MKLN1: variants seen among roughly 807,000 people sequenced by gnomAD.
MKLN1 encodes muskelin.
MKLN1 carries 18 observed loss-of-function variants against 99.0 expected under a neutral mutation model. The ratio of observed to expected loss-of-function variants is 0.18; its 90% CI spans 0.13 to 0.27. The LOEUF (loss-of-function observed/expected upper bound fraction) is 0.27, where lower values mean the gene tolerates loss of function less well. MKLN1 is among the 10% of genes least tolerant of loss of function. The pLI is 1.00. For synonymous variants in MKLN1, 288 were observed against 293.2 expected (o/e 0.98, Z 0.18); for missense variants, 621 against 875.9 (o/e 0.71, Z 3.67).
chr7:131,392,215 GGAA>G (rs1794215328), intron 4 of MKLN1, among the ~76,000 whole-genome samples: 1 of 152,166 alleles, frequency 6.6e-6, no homozygotes, highest in Non-Finnish European at 1.5e-5. Context: ...ACAGGGTCTT[GGAA>G]GGATTCAGGG....
chr7:131,180,437 G>T (rs531920165), intron 2 of MKLN1, among the ~76,000 whole-genome samples: 5 of 152,256 alleles, frequency 3.3e-5, no homozygotes, highest in Admixed American at 6.5e-5. Context: ...AGTGGCTCAC[G>T]CCTGTAATCC....
At chr7:131,166,187 A>G (rs778064579) in intron 2 of MKLN1, among the ~76,000 whole-genome samples, 12 of 152,076 alleles carry the variant, frequency 7.9e-5, no homozygotes, top group African/African-American at 1.4e-4. Context: ...TTCCAGAGGG[A>G]GTATTGACAG....
At chr7:131,376,134 A>ATATGTT (rs1563318300) in intron 2 of MKLN1, among the ~76,000 whole-genome samples, 4 of 2,656 alleles carry the variant, frequency 1.5e-3, no homozygotes, top group Non-Finnish European at 7.7e-3. Context: ...ATATATATAT[A>ATATGTT]TGTATGATGT....
intron 1 of MKLN1, among the ~76,000 whole-genome samples, chr7:131,114,341 A>G (rs1260110839): frequency 6.6e-6 from 1 of 152,152 alleles, no homozygotes; most frequent in Non-Finnish European, 1.5e-5. Context: ...TGTCCATAGA[A>G]TATCAAAGTG....
At chr7:131,215,613 A>G (rs1303439464) in intron 3 of MKLN1, among the ~76,000 whole-genome samples, 2 of 152,202 alleles carry the variant, frequency 1.3e-5, no homozygotes, top group African/African-American at 4.8e-5. Flanking sequence ...TATAAATGTG[A>G]GCCACTGAGC....
chr7:131,410,415 C>T (rs2116321040), intron 6 of MKLN1, among the ~76,000 whole-genome samples: 1 of 152,232 alleles, frequency 6.6e-6, no homozygotes, highest in East Asian at 1.9e-4. Flanking sequence ...TAAATTCTAA[C>T]ATTTGGTAAG....
chr7:131,230,818 T>A (rs1450640078), intron 3 of MKLN1, among the ~76,000 whole-genome samples: 13 of 152,058 alleles, frequency 8.5e-5, no homozygotes, highest in Admixed American at 8.5e-4. Context: ...ACATCATGGC[T>A]TCTGTTTATA....
chr7:131,450,010 C>G (rs1229246810), intron 12 of MKLN1, among the ~76,000 whole-genome samples: 2 of 152,162 alleles, frequency 1.3e-5, no homozygotes, highest in Non-Finnish European at 2.9e-5. Context: ...GATGTTAATA[C>G]TGCTACCCTC....
At chr7:131,111,656 G>GA (rs1038128551) in intron 1 of MKLN1, among the ~76,000 whole-genome samples, 79 of 147,488 alleles carry the variant, frequency 5.4e-4, no homozygotes, top group African/African-American at 1.3e-3. Context: ...GTAAAGCCTA[G>GA]AAAAAAAAAA....
At chr7:131,148,056 G>A (rs142940513) in intron 2 of MKLN1, among the ~76,000 whole-genome samples, 117 of 152,090 alleles carry the variant, frequency 7.7e-4, no homozygotes, top group Non-Finnish European at 1.4e-3. Context: ...TTTTTCTTTC[G>A]TTTTGTTTTT....
chr7:131,316,975 C>A (rs1045651532), intron 3 of MKLN1, among the ~76,000 whole-genome samples: 2 of 152,144 alleles, frequency 1.3e-5, no homozygotes, highest in Admixed American at 1.3e-4. Flanking sequence ...ACTAAACCTA[C>A]GATTGATTGG....
chr7:131,212,788 T>C (rs1019971080), intron 3 of MKLN1, among the ~76,000 whole-genome samples: 2 of 152,068 alleles, frequency 1.3e-5, no homozygotes, highest in Non-Finnish European at 2.9e-5. Context: ...CCGGGCATGA[T>C]GGTGCATGCC....
intron 3 of MKLN1, chr7:131,310,332 A>C (rs1481836409): frequency 1.3e-5 from 2 of 152,114 alleles, no homozygotes; most frequent in Non-Finnish European, 2.9e-5. Flanking sequence ...TCTTTTTCTC[A>C]TTTCTTCCTT....
At chr7:131,387,447 TA>T (rs1036535302) in intron 3 of MKLN1, among the ~76,000 whole-genome samples, 185 bp downstream of exon 3, 2 of 152,228 alleles carry the variant, frequency 1.3e-5, no homozygotes, top group Non-Finnish European at 2.9e-5. Context: ...TTTTATTTTT[TA>T]ACCAACAGAC....
At position 131,380,692 on chromosome 7, in the gene MKLN1, A is replaced by T. The variant is rs774721994; in HGVS notation, c.168+5199A>T. The stretch of plus-strand genomic sequence containing the variant: ...TTTCAAATCACTTAAGAGGATACTC[A>T]TGCTGTATAAATTAGTTTTATTTAG... On this transcript the variant is annotated intron_variant, in intron 2 of 17. Transcript: ENST00000352689. Among the ~76,000 whole-genome samples the T allele has an allele frequency of 5.3e-5, 8 of 152,320 alleles. No individual in the cohort carries two copies. In the South Asian group the frequency reaches 1.2e-3, roughly 24 times the overall value.
chr7:131,297,801 A>C (rs1287015192), intron 3 of MKLN1, among the ~76,000 whole-genome samples: 1 of 152,292 alleles, frequency 6.6e-6, no homozygotes, highest in Admixed American at 6.5e-5. Context: ...AGAAGTGTGA[A>C]TTTTAGAACC....
At chr7:131,238,191 C>G (rs932153210) in intron 3 of MKLN1, among the ~76,000 whole-genome samples, 2 of 152,072 alleles carry the variant, frequency 1.3e-5, no homozygotes, top group Non-Finnish European at 2.9e-5. Context: ...GAAGAAGGCT[C>G]AGACTCATCT....
chr7:131,458,337 T>G (rs763889733), intron 12 of MKLN1, among the ~76,000 whole-genome samples: 1 of 152,148 alleles, frequency 6.6e-6, no homozygotes, highest in African/African-American at 2.4e-5. Context: ...AGAAACCCAT[T>G]TGGGAGCAGG....
rs768543933 is a variant in MKLN1, at chr7:131,463,409, T to C, written c.1673+45T>C. On this transcript the variant is annotated intron_variant, in intron 13 of 17. Transcript: ENST00000352689. Reference sequence around the variant, plus strand: ...GCTGCAATCCCAATGTAATAATTATTTGAGGTTGTTGGTTTATTCAAAAAA... The same window carrying C: ...GCTGCAATCCCAATGTAATAATTATCTGAGGTTGTTGGTTTATTCAAAAAA... 8 of 1,557,600 alleles carry C rather than the reference T, an allele frequency of 5.1e-6. No individual in the cohort carries two copies. The South Asian group carries it at 9.3e-5, about 18-fold the overall frequency.
Sources: allele counts gnomAD v4.1 joint callset (sites outside exome capture counted in the v4.1 genomes callset), GRCh38; gene constraint gnomAD v4.1.1; transcripts MANE v1.5; gene names NCBI Gene and HGNC (gene_info 2026-07-23, HGNC 2026-07-21).